POLR1G: variants seen among roughly 807,000 people sequenced by gnomAD.
POLR1G encodes the protein DNA-directed RNA polymerase I subunit RPA34.
In POLR1G, 9 loss-of-function variants were observed where a neutral mutation model predicts 6.3. The ratio of observed to expected loss-of-function variants is 1.44; its 90% CI spans 0.87 to 2.51. The LOEUF (loss-of-function observed/expected upper bound fraction) is 2.51. Among genes scored for constraint, POLR1G ranks in the 30% most tolerant of loss-of-function variants. POLR1G has a pLI of 0.00. For synonymous variants in POLR1G, 248 were observed against 256.5 expected (o/e 0.97, Z 0.32); for missense variants, 617 against 632.5 (o/e 0.98, Z 0.26).
At position 45,408,299 on chromosome 19, in the gene POLR1G, C is replaced by T. The variant is rs559543077; in HGVS notation, c.331C>T (p.Pro111Ser). The change falls in exon 3 of 3, where the codon CCC becomes TCC. Residue 111 changes from proline (P) to serine (S), a missense_variant. By Grantham distance (74) the Pro-to-Ser change is moderately conservative. Coordinates refer to ENST00000309424, the MANE Select transcript of POLR1G (RefSeq NM_012099.3). ...AGGTGGACTCACCTGTGCCTCAGCC[C>T]CCCAGGGCACCCTAAGGATCCTTGA... Reference protein sequence around the residue: ...AGGGLTCASAPQGTLRILEGP... With the variant: ...AGGGLTCASASQGTLRILEGP... 1.2e-6 allele frequency: 2 copies of T among 1,613,060 alleles called. No individual in the cohort carries two copies. Among genetic ancestry groups the T allele is most frequent in the South Asian group, 2.2e-5 (2 of 90,986 alleles).
chr19:45,407,164 C>A lies in POLR1G; in HGVS notation c.93C>A (p.Ser31=). 1 of 1,612,832 alleles carries A rather than the reference C, an allele frequency of 6.2e-7. No individual in the cohort carries two copies. The highest frequency in any genetic ancestry group is 8.5e-7 in the Non-Finnish European group (1 of 1,179,704). Residue 31 remains serine (S), a synonymous_variant, in exon 2 of 3, where the codon TCC becomes TCA. Transcript: ENST00000309424. ...CAGCCTCAGAGTCCCCTCGTTTCTC[C>A]TTGGAGGCGCTGACGGGTCCAGATA... ...KPPASESPRF[S]LEALTGPDTE...
chr19:45,409,540 G>C lies in POLR1G; in HGVS notation c.*39G>C, dbSNP rs1193726916. The C allele has an allele frequency of 1.9e-6, 3 of 1,578,060 alleles. No homozygotes were observed. Among genetic ancestry groups the C allele is most frequent in the African/African-American group, 2.7e-5 (2 of 74,048 alleles). ...AACTGAGGAACTAAAGAAAGCTGAA[G>C]GTGCCCACCTGGGCCACCAGAAGGT... On this transcript the variant is annotated 3_prime_UTR_variant, in exon 3 of 3. Transcript: ENST00000309424.
In POLR1G at chr19:45,409,682, A is replaced by G; in HGVS notation, c.*181A>G. 1.8e-6 allele frequency: 2 copies of G among 1,134,056 alleles called. No homozygotes were observed. Among genetic ancestry groups the G allele is most frequent in the Non-Finnish European group, 2.7e-6 (2 of 742,026 alleles). 70.2% of individuals were successfully genotyped at this position (1,134,056 alleles called of 1,614,324 possible). ...CCTTGGCAGCTGGGGTCATCAGGGTACTTTCAAGAAGGGCTCGTGCAGGAC... is the reference window on the plus strand; with the variant it reads ...CCTTGGCAGCTGGGGTCATCAGGGTGCTTTCAAGAAGGGCTCGTGCAGGAC... On this transcript the variant is annotated 3_prime_UTR_variant, in exon 3 of 3. Coordinates refer to ENST00000309424, the MANE Select transcript of POLR1G (RefSeq NM_012099.3).
rs746376502 is a variant in POLR1G, at chr19:45,408,843, G to A, written c.875G>A (p.Arg292Lys). 8 of 1,614,136 alleles carry A rather than the reference G, an allele frequency of 5.0e-6. No individual in the cohort carries two copies. The highest frequency in any genetic ancestry group is 5.9e-6 in the Non-Finnish European group (7 of 1,180,042). ...TVLSPTKKRK[R>K]QKGTEGMEPE... is the part of the protein sequence containing the mutation. ...CTGTCCCCGACCAAAAAGAGAAAGA[G>A]GCAAAAGGGGACGGAAGGGATGGAG... The change falls in exon 3 of 3, where the codon AGG becomes AAG. Residue 292 changes from arginine to lysine, a missense_variant. Arg to Lys is a conservative substitution (Grantham distance 26, BLOSUM62 2). Coordinates refer to ENST00000309424, the MANE Select transcript of POLR1G (RefSeq NM_012099.3).
In POLR1G at chr19:45,409,044, C is replaced by T; in HGVS notation, c.1076C>T (p.Ser359Phe). The change falls in exon 3 of 3, where the codon TCC becomes TTC. Residue 359 changes from serine to phenylalanine, a missense_variant. Ser to Phe is a radical substitution (Grantham distance 155). Coordinates refer to ENST00000309424, the MANE Select transcript of POLR1G (RefSeq NM_012099.3). ...PVEPEMKPLE[S>F]PGGTMAPQQP... ...GAGCCGGAGATGAAGCCTCTGGAGT[C>T]CCCAGGGGGGACCATGGCGCCTCAA... 1 of 1,614,052 alleles carries T rather than the reference C, an allele frequency of 6.2e-7. No homozygotes were observed. The highest frequency in any genetic ancestry group is 8.5e-7 in the Non-Finnish European group (1 of 1,180,016).
At chr19:45,408,061 CAA>C (rs11314106) in intron 2 of POLR1G, 70 bp from the exon 3 acceptor site, 12 of 1,404,068 alleles carry the variant, frequency 8.5e-6, no homozygotes, top group South Asian at 4.5e-5. Context: ...CAAAAAAAAA[CAA>C]AAAAAAAATC....
intron 2 of POLR1G, chr19:45,407,822 G>T: frequency 3.7e-6 from 1 of 272,844 alleles, no homozygotes; most frequent in Non-Finnish European, 6.9e-6. Context: ...TTGGGAGGCC[G>T]AGGCGAGCAG....
intron 2 of POLR1G, 30 bp downstream of exon 2, chr19:45,407,265 T>G (rs1973404444): frequency 6.2e-7 from 1 of 1,601,828 alleles, no homozygotes; most frequent in Admixed American, 1.8e-5. Context: ...GAAAAGAGGG[T>G]CCCGGTCCAG....
rs374407868 is a variant in POLR1G, at chr19:45,409,699, G to A, written c.*198G>A. 30 of 958,468 alleles carry A rather than the reference G, an allele frequency of 3.1e-5. No individual in the cohort carries two copies. In the Middle Eastern group the frequency reaches 1.1e-3, roughly 34 times the overall value. The allele number at this position is 958,468 out of a possible 1,614,324, so 59.4% of individuals were successfully genotyped here. A position where few individuals can be genotyped will look rare whatever the true frequency, so the allele number is the denominator to read the frequency against. On this transcript the variant is annotated 3_prime_UTR_variant, in exon 3 of 3. Coordinates refer to ENST00000309424, the MANE Select transcript of POLR1G (RefSeq NM_012099.3). Reference sequence around the variant, plus strand: ...ATCAGGGTACTTTCAAGAAGGGCTCGTGCAGGACATCAAACAGCCTCCGGG... The same window carrying A: ...ATCAGGGTACTTTCAAGAAGGGCTCATGCAGGACATCAAACAGCCTCCGGG...
Position 45,408,461 on chromosome 19 carries a change from T to C in POLR1G, c.493T>C (p.Leu165=), listed in dbSNP as rs1300024741. 4 of 1,613,948 alleles carry C rather than the reference T, an allele frequency of 2.5e-6. No homozygotes were observed. The highest frequency in any genetic ancestry group is 2.5e-6 in the Non-Finnish European group (3 of 1,179,944). ...NPPVTGPRSA[L]APNLLTSGKK... ...ACCAGTCACAGGGCCTAGGTCAGCCTTGGCCCCCAACCTGCTCACCTCAGG... is the reference window on the plus strand; with the variant it reads ...ACCAGTCACAGGGCCTAGGTCAGCCCTGGCCCCCAACCTGCTCACCTCAGG... The change falls in exon 3 of 3, where the codon TTG becomes CTG. Residue 165 remains leucine, a synonymous_variant. Coordinates refer to ENST00000309424, the MANE Select transcript of POLR1G (RefSeq NM_012099.3).
chr19:45,406,781 G>C lies in POLR1G; in HGVS notation c.22+63G>C. ...GGTGGAAGGAGAAAGGGGCGTCCGA[G>C]AGGGTTCGGGCGGAAAAGGAGGCGT... On this transcript the variant is annotated intron_variant, in intron 1 of 2. Coordinates refer to ENST00000309424, the MANE Select transcript of POLR1G (RefSeq NM_012099.3). The surrounding 1 kb of genome is among the most constrained non-coding windows in gnomAD (Gnocchi z 4.2). 1 of 1,449,562 alleles carries C rather than the reference G, an allele frequency of 6.9e-7. No homozygotes were observed. Among genetic ancestry groups the C allele is most frequent in the Non-Finnish European group, 9.2e-7 (1 of 1,089,646 alleles). The allele number at this position is 1,449,562 out of a possible 1,614,324, so 89.8% of individuals were successfully genotyped here.
At position 45,407,639 on chromosome 19, in the gene POLR1G, A is replaced by C. The variant is rs149272244; in HGVS notation, c.164+404A>C. On this transcript the variant is annotated intron_variant, in intron 2 of 2. Transcript: ENST00000309424. Reference sequence around the variant, plus strand: ...GTGGAACATGTTCTGTATGGCCATAAATATTCTGTAATTATAATTGGTGGT... The same window carrying C: ...GTGGAACATGTTCTGTATGGCCATACATATTCTGTAATTATAATTGGTGGT... 3.4e-3 allele frequency: 878 copies of C among 259,560 alleles called. 9 individuals carry two copies. Among genetic ancestry groups the C allele is most frequent in the African/African-American group, 0.016 (742 of 45,644 alleles). The allele number at this position is 259,560 out of a possible 1,614,324, so 16.1% of individuals were successfully genotyped here. A position where few individuals can be genotyped will look rare whatever the true frequency, so the allele number is the denominator to read the frequency against.
rs768354999 is a variant in POLR1G at position 45,408,667 on chromosome 19, G to A, written c.699G>A (p.Glu233=). The A allele has an allele frequency of 6.2e-7, 1 of 1,613,880 alleles. No individual in the cohort carries two copies. ...EPEAAGPVGT[E]PTVETLEPLG... is the part of the protein sequence containing the mutation. ...AGGCAGCAGGGCCTGTGGGGACAGA[G>A]CCCACAGTGGAGACACTGGAGCCTC... The change falls in exon 3 of 3, where the codon GAG becomes GAA. Residue 233 remains glutamate (E), a synonymous_variant. Coordinates refer to ENST00000309424, the MANE Select transcript of POLR1G (RefSeq NM_012099.3).
At position 45,408,613 on chromosome 19, in the gene POLR1G, GA is replaced by G. The variant is rs753626854; in HGVS notation, c.653del (p.Asn218IlefsTer4). ...PEMDVRKKKK[K>X]KNQQLKEPEA... The stretch of plus-strand genomic sequence containing the variant: ...AAATGGATGTGCGGAAGAAGAAGAA[GA>G]AAAAAAATCAGCAGCTGAAAGAACC... On this transcript the variant is annotated frameshift_variant, in exon 3 of 3. Coordinates refer to ENST00000309424, the MANE Select transcript of POLR1G (RefSeq NM_012099.3). LOFTEE classifies it low-confidence loss of function (END_TRUNC). 4.3e-6 allele frequency: 7 copies of G among 1,613,370 alleles called. No homozygotes were observed. Among genetic ancestry groups the G allele is most frequent in the South Asian group, 2.2e-5 (2 of 91,034 alleles).
rs1423239289 is a variant in POLR1G at position 45,406,779 on chromosome 19, G to C, written c.22+61G>C. ...TTGGTGGAAGGAGAAAGGGGCGTCC[G>C]AGAGGGTTCGGGCGGAAAAGGAGGC... On this transcript the variant is annotated intron_variant, in intron 1 of 2. Transcript: ENST00000309424. The surrounding 1 kb of genome is among the most constrained non-coding windows in gnomAD (Gnocchi z 4.2). 1 of 1,454,314 alleles carries C rather than the reference G, an allele frequency of 6.9e-7. No homozygotes were observed. Among genetic ancestry groups the C allele is most frequent in the Non-Finnish European group, 9.1e-7 (1 of 1,093,266 alleles). The allele number at this position is 1,454,314 out of a possible 1,614,324, so 90.1% of individuals were successfully genotyped here.
In POLR1G at chr19:45,409,047, CA is replaced by C. The variant is rs1035579942; in HGVS notation, c.1080del (p.Thr363ProfsTer72). On this transcript the variant is annotated frameshift_variant, in exon 3 of 3. Transcript: ENST00000309424. LOFTEE classifies it low-confidence loss of function (END_TRUNC). ...VEPEMKPLES[P>X]GGTMAPQQPE... ...CCGGAGATGAAGCCTCTGGAGTCCC[CA>C]GGGGGGACCATGGCGCCTCAACAGC... The C allele has an allele frequency of 1.9e-6, 3 of 1,614,066 alleles. No homozygotes were observed. Among genetic ancestry groups the C allele is most frequent in the African/African-American group, 1.3e-5 (1 of 75,024 alleles).
Position 45,408,562 on chromosome 19 carries a change from G to A in POLR1G, c.594G>A (p.Glu198=). 6.2e-7 allele frequency: 1 copy of A among 1,614,044 alleles called. No individual in the cohort carries two copies. Among genetic ancestry groups the A allele is most frequent in the Non-Finnish European group, 8.5e-7 (1 of 1,180,030 alleles). The part of the protein sequence containing the change: ...QEAVNGHGAL[E]VDMALGSPEM... Reference sequence around the variant, plus strand: ...CAGTGAATGGGCACGGGGCCCTGGAGGTGGACATGGCTTTGGGGTCGCCAG... The same window carrying A: ...CAGTGAATGGGCACGGGGCCCTGGAAGTGGACATGGCTTTGGGGTCGCCAG... Residue 198 remains glutamate, a synonymous_variant, in exon 3 of 3, where the codon GAG becomes GAA. Coordinates refer to ENST00000309424, the MANE Select transcript of POLR1G (RefSeq NM_012099.3).
At position 45,409,006 on chromosome 19, in the gene POLR1G, G is replaced by A. The variant is rs769960893; in HGVS notation, c.1038G>A (p.Ala346=). 2.3e-5 allele frequency: 37 copies of A among 1,613,952 alleles called. No homozygotes were observed. Among genetic ancestry groups the A allele is most frequent in the African/African-American group, 6.7e-5 (5 of 74,930 alleles). Residue 346 remains alanine, a synonymous_variant, in exon 3 of 3, where the codon GCG becomes GCA. Coordinates refer to ENST00000309424, the MANE Select transcript of POLR1G (RefSeq NM_012099.3). ...QMAMMEPGTE[A]MEPVEPEMKP... is the part of the protein sequence containing the mutation. Reference sequence around the variant, plus strand: ...CAATGATGGAGCCAGGGACGGAGGCGATGGAGCCAGTGGAGCCGGAGATGA... The same window carrying A: ...CAATGATGGAGCCAGGGACGGAGGCAATGGAGCCAGTGGAGCCGGAGATGA...
At chr19:45,407,916 T>C in intron 2 of POLR1G, 1 of 483,430 alleles carries the variant, frequency 2.1e-6, no homozygotes, top group Non-Finnish European at 3.5e-6. Flanking sequence ...TGGCTGGGCG[T>C]GGTGGCAGGT....
Sources: allele counts gnomAD v4.1 joint callset, GRCh38; gene constraint gnomAD v4.1.1; non-coding constraint Gnocchi (gnomAD v3.1); transcripts MANE v1.5; gene names NCBI Gene and HGNC (gene_info 2026-07-23, HGNC 2026-07-21).